The following ADAMTSL1 variants were observed in gnomAD, a reference collection of about 807,000 sequenced individuals.
ADAMTSL1 encodes ADAMTS like 1, also known as ADAMTS-like protein 1.
ADAMTSL1 carries 126 observed loss-of-function variants against 201.8 expected under a neutral mutation model. The observed-to-expected ratio is 0.62, with a 90% CI of 0.54 to 0.72. The LOEUF is 0.72. Among genes scored for constraint, ADAMTSL1 ranks in the 30% least tolerant of loss-of-function variants. The pLI is 0.00. For synonymous variants in ADAMTSL1, 1,121 were observed against 903.4 expected, an observed-to-expected ratio of 1.24 and a Z score of -4.32; for missense variants, 2,679 against 2,277.8, an observed-to-expected ratio of 1.18 and a Z score of -3.59.
intron 1 of ADAMTSL1, among the ~76,000 whole-genome samples, chr9:17,965,157 T>C (rs1817931642): frequency 6.6e-6 from 1 of 152,212 alleles, no homozygotes; most frequent in Non-Finnish European, 1.5e-5. Flanking sequence ...TTCTGCAGGC[T>C]TGTAATTTAT....
intron 2 of ADAMTSL1, among the ~76,000 whole-genome samples, chr9:18,173,690 T>C (rs35826081): frequency 6.6e-6 from 1 of 151,996 alleles, no homozygotes; most frequent in African/African-American, 2.4e-5. Flanking sequence ...CCAACACTAA[T>C]GCAGACAGAT....
At chr9:18,526,613 A>G (rs893385548) in intron 2 of ADAMTSL1, among the ~76,000 whole-genome samples, 1 of 152,002 alleles carries the variant, frequency 6.6e-6, no homozygotes, top group Non-Finnish European at 1.5e-5. Flanking sequence ...TTCCTTCAGG[A>G]GCTCTTTTAG....
intron 1 of ADAMTSL1, among the ~76,000 whole-genome samples, chr9:17,983,064 C>CTTTTTTTTTTTTTTTTTTTTTTTTTTTT (rs202085722): frequency 1.1e-5 from 1 of 88,588 alleles, no homozygotes; most frequent in Non-Finnish European, 2.1e-5. Flanking sequence ...TCTTTTCTTT[C>CTTTTTTTTTTTTTTTTTTTTTTTTTTTT]TTTCTTTCTT....
chr9:18,702,795 C>T (rs1393757532), intron 13 of ADAMTSL1, among the ~76,000 whole-genome samples: 1 of 151,646 alleles, frequency 6.6e-6, no homozygotes, highest in Non-Finnish European at 1.5e-5. Flanking sequence ...CGGAGTCTCA[C>T]TCTGTCACCC....
At chr9:18,206,126 A>G (rs903382547) in intron 2 of ADAMTSL1, among the ~76,000 whole-genome samples, 6 of 146,846 alleles carry the variant, frequency 4.1e-5, no homozygotes, top group Non-Finnish European at 7.5e-5. Flanking sequence ...AATTCCCATC[A>G]TGAGTTTTAT....
At chr9:18,013,007 T>A (rs12377236) in intron 1 of ADAMTSL1, among the ~76,000 whole-genome samples, 40,970 of 151,356 alleles carry the variant, frequency 0.27, 5,577 homozygotes, top group South Asian at 0.3. Context: ...TTTTTTTCTT[T>A]AGCACATATT....
chr9:18,718,093 A>G, intron 14 of ADAMTSL1: 1 of 1,341,672 alleles, frequency 7.5e-7, no homozygotes. Flanking sequence ...TTGTAGAAGA[A>G]TCTAAGAATG....
chr9:18,577,418 A>G (rs1303680548), intron 4 of ADAMTSL1, among the ~76,000 whole-genome samples: 2 of 152,154 alleles, frequency 1.3e-5, no homozygotes, highest in Non-Finnish European at 2.9e-5. Flanking sequence ...CCTGGGAGGC[A>G]GAGGTTGCAG....
chr9:18,524,765 C>T (rs145933601), intron 2 of ADAMTSL1, among the ~76,000 whole-genome samples: 3,457 of 152,222 alleles, frequency 0.023, 122 homozygotes, highest in African/African-American at 0.078. Context: ...GTATGTTGAA[C>T]CAGCCTTGAA....
At chr9:18,311,034 A>G (rs1242576993) in intron 2 of ADAMTSL1, among the ~76,000 whole-genome samples, 2 of 151,850 alleles carry the variant, frequency 1.3e-5, no homozygotes, top group Non-Finnish European at 2.9e-5. Flanking sequence ...ATAAAAAATG[A>G]TGAGTTCATG....
At chr9:18,600,917 T>C (rs1824608356) in intron 4 of ADAMTSL1, among the ~76,000 whole-genome samples, 1 of 152,230 alleles carries the variant, frequency 6.6e-6, no homozygotes, top group Non-Finnish European at 1.5e-5. Context: ...TTTCTTCCTG[T>C]TGATTCCAAC....
At chr9:17,935,601 T>G (rs143356736) in intron 1 of ADAMTSL1, among the ~76,000 whole-genome samples, 5 of 152,140 alleles carry the variant, frequency 3.3e-5, no homozygotes, top group African/African-American at 1.2e-4. Context: ...CCAATGATCA[T>G]TGACAGGGAA....
chr9:18,403,937 C>G (rs908464222), intron 2 of ADAMTSL1, among the ~76,000 whole-genome samples: 1 of 152,208 alleles, frequency 6.6e-6, no homozygotes, highest in East Asian at 1.9e-4. Flanking sequence ...GATATGTGAG[C>G]CTTTTATGTA....
chr9:18,578,319 C>T (rs1279852909), intron 4 of ADAMTSL1, among the ~76,000 whole-genome samples: 4 of 152,174 alleles, frequency 2.6e-5, no homozygotes, highest in Non-Finnish European at 4.4e-5. Context: ...CTCTCCCTCT[C>T]TCCCTCCTAG....
At chr9:18,884,612 C>T (rs1828741719) in intron 23 of ADAMTSL1, among the ~76,000 whole-genome samples, 1 of 152,150 alleles carries the variant, frequency 6.6e-6, no homozygotes, top group African/African-American at 2.4e-5. Context: ...CATTTGTTCA[C>T]ATATGGATAT....
At chr9:18,831,623 T>G (rs1377801996) in intron 23 of ADAMTSL1, among the ~76,000 whole-genome samples, 3 of 152,210 alleles carry the variant, frequency 2.0e-5, no homozygotes, top group Non-Finnish European at 4.4e-5. Flanking sequence ...CATTGCTAGT[T>G]TGTGGTGCTT....
chr9:18,051,157 C>T (rs540374272), intron 1 of ADAMTSL1, among the ~76,000 whole-genome samples: 4 of 152,124 alleles, frequency 2.6e-5, no homozygotes, highest in South Asian at 2.1e-4. Flanking sequence ...AAAAATTAGC[C>T]GGGTGTGGTG....
chr9:17,952,863 C>A (rs534030940), intron 1 of ADAMTSL1, among the ~76,000 whole-genome samples: 2 of 151,868 alleles, frequency 1.3e-5, no homozygotes, highest in Admixed American at 6.6e-5. Context: ...TAAATCTGTA[C>A]GCTATGAGAT....
chr9:17,907,830 A>G (rs1343844), intron 1 of ADAMTSL1, among the ~76,000 whole-genome samples: 1 of 151,966 alleles, frequency 6.6e-6, no homozygotes, highest in African/African-American at 2.4e-5. Flanking sequence ...AAACCCACGA[A>G]TTGGGCAGTT....
Sources: allele counts gnomAD v4.1 joint callset (sites outside exome capture counted in the v4.1 genomes callset), GRCh38; gene constraint gnomAD v4.1.1; transcripts MANE v1.5; gene names NCBI Gene and HGNC (gene_info 2026-07-23, HGNC 2026-07-21).